Variants in RXRA observed in about 807,000 individuals in gnomAD.
The protein encoded by RXRA is retinoid X receptor alpha, also known as retinoic acid receptor RXR-alpha.
A neutral mutation model predicts 44.5 loss-of-function variants in RXRA; 5 were observed. The observed-to-expected ratio is 0.11, with a 90% CI of 0.06 to 0.24. RXRA has a LOEUF of 0.24. Among genes scored for constraint, RXRA ranks in the 10% least tolerant of loss-of-function variants. The pLI is 1.00. For synonymous variants in RXRA, 291 were observed against 271.4 expected (o/e 1.07, Z -0.71); for missense variants, 412 against 646.5 (o/e 0.64, Z 3.93).
chr9:134,391,036 C>T (rs1231876256), intron 1 of RXRA, among the ~76,000 whole-genome samples: 2 of 152,106 alleles, frequency 1.3e-5, no homozygotes, highest in Admixed American at 6.5e-5. Flanking sequence ...ACCGCGTGGC[C>T]CCGGTGGCCA....
At chr9:134,419,210 G>A (rs1831287799) in intron 5 of RXRA, among the ~76,000 whole-genome samples, 1 of 152,246 alleles carries the variant, frequency 6.6e-6, no homozygotes, top group Non-Finnish European at 1.5e-5. Context: ...GGCAGGGGAG[G>A]GAGGGTGGCT....
chr9:134,399,013 A>G (rs1460340438), intron 1 of RXRA, among the ~76,000 whole-genome samples: 1 of 152,196 alleles, frequency 6.6e-6, no homozygotes, highest in African/African-American at 2.4e-5. Context: ...ATTGGCTTGG[A>G]TAAGGAGGGC....
At chr9:134,380,705 G>C (rs1830630804) in intron 1 of RXRA, among the ~76,000 whole-genome samples, 1 of 152,166 alleles carries the variant, frequency 6.6e-6, no homozygotes. Flanking sequence ...TCCTGGGCCA[G>C]GTGGGGAGTG....
chr9:134,387,493 G>A (rs151298359), intron 1 of RXRA, among the ~76,000 whole-genome samples: 4 of 152,248 alleles, frequency 2.6e-5, no homozygotes, highest in African/African-American at 4.8e-5. Flanking sequence ...AAGTCCTTTC[G>A]CAATTTGTAA....
intron 1 of RXRA, among the ~76,000 whole-genome samples, chr9:134,340,423 G>A (rs1554747983): frequency 3.3e-5 from 5 of 152,196 alleles, no homozygotes; most frequent in Non-Finnish European, 7.4e-5. Flanking sequence ...GTGTCACAGG[G>A]GTGATAATTG....
chr9:134,426,734 C>T lies in RXRA; in HGVS notation c.911-2374C>T. On this transcript the variant is annotated intron_variant, in intron 6 of 9. Coordinates refer to ENST00000481739, the MANE Select transcript of RXRA (RefSeq NM_002957.6). The surrounding 1 kb of genome is among the most constrained non-coding windows in gnomAD (Gnocchi z 4.6). ...GGGAGGTGGCCACTGCTCAGGTAAA[C>T]CCCCAGGCCTGCAGGATGTGAGGGA... The T allele has an allele frequency of 1.0e-6, 1 of 985,356 alleles. No homozygotes were observed. Among genetic ancestry groups the T allele is most frequent in the East Asian group, 1.1e-4 (1 of 8,798 alleles). 61.0% of individuals were successfully genotyped at this position (985,356 alleles called of 1,614,324 possible). A position where few individuals can be genotyped will look rare whatever the true frequency, so the allele number is the denominator to read the frequency against.
intron 6 of RXRA, 101 bp from the exon 7 acceptor site, chr9:134,429,007 T>A (rs1166657407): frequency 1.4e-6 from 2 of 1,431,430 alleles, no homozygotes; most frequent in Non-Finnish European, 1.9e-6. Context: ...TCAGGATGGG[T>A]CGGTGACATG....
Position 134,407,991 on chromosome 9 carries a change from C to T in RXRA, c.280-158C>T, listed in dbSNP as rs540093941. ...AGCAAGCACAGTGGCCCCGCTGCTC[C>T]GGAGCAGCGTGGCGGGTGGGGGGCA... is the stretch of plus-strand genomic sequence containing the variant. On this transcript the variant is annotated intron_variant, in intron 2 of 9. Transcript: ENST00000481739. The surrounding 1 kb of genome is among the most constrained non-coding windows in gnomAD (Gnocchi z 4.8). 1.2e-3 allele frequency among the ~76,000 whole-genome samples: 182 copies of T among 151,406 alleles called. 1 individual carries two copies. The highest frequency in any genetic ancestry group is 2.9e-3 in the African/African-American group (120 of 41,278).
intron 1 of RXRA, chr9:134,380,233 G>A (rs758255651): frequency 1.6e-4 from 158 of 965,954 alleles, no homozygotes; most frequent in Non-Finnish European, 1.9e-4. Context: ...GAGTCACGCC[G>A]ATCCCAGGAT....
At chr9:134,330,298 A>G (rs534027273) in intron 1 of RXRA, among the ~76,000 whole-genome samples, 2 of 152,198 alleles carry the variant, frequency 1.3e-5, no homozygotes, top group East Asian at 3.9e-4. Flanking sequence ...TGTGTTTTTT[A>G]GCTGGCTTTG....
chr9:134,375,609 C>T (rs1459086922), intron 1 of RXRA, among the ~76,000 whole-genome samples: 2 of 152,148 alleles, frequency 1.3e-5, no homozygotes, highest in Non-Finnish European at 2.9e-5. Flanking sequence ...TCTAGTTTTA[C>T]AGCTGGGAAC....
intron 4 of RXRA, among the ~76,000 whole-genome samples, chr9:134,413,071 G>C (rs1307279385): frequency 6.6e-6 from 1 of 152,098 alleles, no homozygotes; most frequent in African/African-American, 2.4e-5. Flanking sequence ...GGGAGCCCCG[G>C]CTGGGCTCGA....
At chr9:134,339,376 G>A (rs1025951720) in intron 1 of RXRA, among the ~76,000 whole-genome samples, 8 of 151,880 alleles carry the variant, frequency 5.3e-5, no homozygotes, top group African/African-American at 1.2e-4. Flanking sequence ...GGGTTTGTGC[G>A]CGTGAGCCTC....
intron 1 of RXRA, among the ~76,000 whole-genome samples, chr9:134,367,268 A>G (rs986152063): frequency 2.0e-5 from 3 of 151,824 alleles, no homozygotes; most frequent in African/African-American, 7.3e-5. Context: ...GGCGTTTGTG[A>G]TCTCCCTCCA....
chr9:134,376,757 G>C (rs1444061139), intron 1 of RXRA, among the ~76,000 whole-genome samples: 1 of 110,002 alleles, frequency 9.1e-6, no homozygotes, highest in South Asian at 2.9e-4. Context: ...TGGTAGAGAG[G>C]GACCTCCTGG....
At chr9:134,373,547 CCTGT>C (rs1830516144) in intron 1 of RXRA, among the ~76,000 whole-genome samples, 2 of 152,360 alleles carry the variant, frequency 1.3e-5, no homozygotes, top group Admixed American at 6.5e-5. Context: ...CCCAGATCTT[CCTGT>C]CTATCACCCT....
rs1269720892 is a variant in RXRA, at chr9:134,392,013, C to T, written c.29-9619C>T. On this transcript the variant is annotated intron_variant, in intron 1 of 9. Coordinates refer to ENST00000481739, the MANE Select transcript of RXRA (RefSeq NM_002957.6). ...GAGCTGTGGTAGCTGCGGCCTACGG[C>T]AGCTCTTCTACCACATGATGGAGTC... Among the ~76,000 whole-genome samples, 5 of 152,376 alleles carry T rather than the reference C, an allele frequency of 3.3e-5. No individual in the cohort carries two copies. The East Asian group carries it at 7.7e-4, about 24-fold the overall frequency.
chr9:134,407,764 G>A lies in RXRA; in HGVS notation c.280-385G>A, dbSNP rs921607657. Among the ~76,000 whole-genome samples the A allele has an allele frequency of 6.6e-6, 1 of 152,118 alleles. No homozygotes were observed. Among genetic ancestry groups the A allele is most frequent in the Admixed American group, 6.5e-5 (1 of 15,278 alleles). On this transcript the variant is annotated intron_variant, in intron 2 of 9. Transcript: ENST00000481739. The surrounding 1 kb of genome is among the most constrained non-coding windows in gnomAD (Gnocchi z 4.8). The stretch of plus-strand genomic sequence containing the variant: ...CCCCAGAGTGCCTGCCTCATGGAGT[G>A]TCCGGGGGCACCCAGCGGGGCTGGG...
chr9:134,387,176 G>A (rs546159002), intron 1 of RXRA, among the ~76,000 whole-genome samples: 1 of 152,342 alleles, frequency 6.6e-6, no homozygotes, highest in South Asian at 2.1e-4. Flanking sequence ...CCTGCTGGTG[G>A]AGGCCAGAGC....
Sources: gnomAD v4.1 joint callset for allele counts (sites outside exome capture counted in the v4.1 genomes callset) on GRCh38, gnomAD v4.1.1 for gene constraint, Gnocchi (gnomAD v3.1) non-coding constraint, MANE v1.5 for transcripts, NCBI Gene and HGNC (gene_info 2026-07-23, HGNC 2026-07-21) for gene names.